The following PCDH17 variants were observed in gnomAD, a reference collection of about 807,000 sequenced individuals.
PCDH17 encodes protocadherin-17.
PCDH17 carries 21 observed loss-of-function variants against 67.7 expected under a neutral mutation model. The ratio of observed to expected loss-of-function variants is 0.31; its 90% CI spans 0.22 to 0.45. PCDH17 has a LOEUF of 0.45. Among genes scored for constraint, PCDH17 ranks in the 20% least tolerant of loss-of-function variants. PCDH17 has a pLI of 1.00. For synonymous variants in PCDH17, 701 were observed against 656.7 expected, an observed-to-expected ratio of 1.07 and a Z score of -1.03; for missense variants, 1,471 against 1,564.8, an observed-to-expected ratio of 0.94 and a Z score of 1.01.
At chr13:57,637,012 A>G (rs556289867) in intron 1 of PCDH17, among the ~76,000 whole-genome samples, 2 of 152,224 alleles carry the variant, frequency 1.3e-5, no homozygotes, top group South Asian at 4.1e-4. Flanking sequence ...TACCTGTAGT[A>G]TATTGCACCA....
At chr13:57,698,971 C>A (rs768867146) in intron 3 of PCDH17, among the ~76,000 whole-genome samples, 46 of 152,020 alleles carry the variant, frequency 3.0e-4, no homozygotes, top group African/African-American at 1.0e-3. Flanking sequence ...CTTTTTTCAG[C>A]CACTCTGATT....
chr13:57,723,909 T>A (rs570618061), intron 3 of PCDH17, among the ~76,000 whole-genome samples: 2 of 152,318 alleles, frequency 1.3e-5, no homozygotes, highest in Admixed American at 1.3e-4. Context: ...CATTCTGACC[T>A]GTATCTGTTG....
At position 57,666,756 on chromosome 13, in the gene PCDH17, G is replaced by T. The variant is rs1208260199; in HGVS notation, c.2720G>T (p.Gly907Val). The T allele has an allele frequency of 1.2e-6, 2 of 1,613,612 alleles. No homozygotes were observed. Among genetic ancestry groups the T allele is most frequent in the African/African-American group, 2.7e-5 (2 of 74,894 alleles). ...GACAGTGACCAAGACACTAACAAAG[G>T]CTCCTGCTGTGACATGTCTGTTAGG... The part of the protein sequence containing the change: ...QADSDQDTNK[G>V]SCCDMSVREA... Residue 907 changes from glycine to valine, a missense_variant, in exon 3 of 4, where the codon GGC becomes GTC. Gly to Val is a moderately radical substitution (Grantham distance 109, BLOSUM62 -3). This residue lies in a region of PCDH17 where 11 missense variants were observed against 36.2 expected (regional missense o/e 0.30). Transcript: ENST00000377918.
chr13:57,655,716 A>G (rs1463768711), intron 1 of PCDH17, among the ~76,000 whole-genome samples: 1 of 152,100 alleles, frequency 6.6e-6, no homozygotes, highest in South Asian at 2.1e-4. Flanking sequence ...TGTCAGAGTT[A>G]TATATAAAGC....
chr13:57,671,025 G>C (rs931549642), intron 3 of PCDH17, among the ~76,000 whole-genome samples: 1 of 151,794 alleles, frequency 6.6e-6, no homozygotes, highest in African/African-American at 2.4e-5. Flanking sequence ...TTCTTTTAGT[G>C]TGATGGGAAA....
intron 1 of PCDH17, among the ~76,000 whole-genome samples, chr13:57,646,381 C>A (rs1419840924): frequency 2.0e-5 from 3 of 151,424 alleles, no homozygotes; most frequent in Non-Finnish European, 4.4e-5. Context: ...ATTTTAAAAG[C>A]TATTAATTGA....
chr13:57,697,850 G>A (rs73207460), intron 3 of PCDH17, among the ~76,000 whole-genome samples: 9,606 of 151,388 alleles, frequency 0.063, 339 homozygotes, highest in Middle Eastern at 0.099. Context: ...CTCCTAGTTG[G>A]GGGGTACTTC....
At chr13:57,701,374 G>A (rs1009717472) in intron 3 of PCDH17, among the ~76,000 whole-genome samples, 38 of 151,990 alleles carry the variant, frequency 2.5e-4, no homozygotes, top group Admixed American at 1.6e-3. Context: ...TCTAAAATTT[G>A]TTCTGCTTCT....
chr13:57,701,178 A>C (rs1467706797), intron 3 of PCDH17, among the ~76,000 whole-genome samples: 8 of 152,172 alleles, frequency 5.3e-5, no homozygotes, highest in Non-Finnish European at 8.8e-5. Flanking sequence ...AATGAAGTTT[A>C]GTTTACCAAA....
Position 57,728,823 on chromosome 13 carries a change from T to G in PCDH17, c.*3529T>G, listed in dbSNP as rs1301397291. 1 of 152,166 alleles carries G rather than the reference T, an allele frequency of 6.6e-6. No individual in the cohort carries two copies. Among genetic ancestry groups the G allele is most frequent in the African/African-American group, 2.4e-5 (1 of 41,438 alleles). 9.4% of individuals were successfully genotyped at this position (152,166 alleles called of 1,614,324 possible). ...TTCCCTTTAAAGGATCTAGATATTG[T>G]TCAATTTAAAATATGGCACCATAAA... On this transcript the variant is annotated 3_prime_UTR_variant, in exon 4 of 4. Transcript: ENST00000377918.
At chr13:57,715,735 T>C (rs554958525) in intron 3 of PCDH17, among the ~76,000 whole-genome samples, 90 of 151,974 alleles carry the variant, frequency 5.9e-4, no homozygotes, top group South Asian at 2.5e-3. Flanking sequence ...ATTTTTTACC[T>C]CTCTTTTGAA....
Position 57,703,741 on chromosome 13 carries a change from T to A in PCDH17, c.2798-20871T>A, listed in dbSNP as rs141569655. The stretch of plus-strand genomic sequence containing the variant: ...TTCTGAGCTAGTATTCTTAGCATTG[T>A]ATTTAGTACTGTAGTTCAGCCACCC... On this transcript the variant is annotated intron_variant, in intron 3 of 3. Transcript: ENST00000377918. Among the ~76,000 whole-genome samples the A allele has an allele frequency of 9.4e-3, 1,431 of 152,236 alleles. 24 individuals are homozygous for A. Among genetic ancestry groups the A allele is most frequent in the African/African-American group, 0.032 (1,334 of 41,550 alleles).
At chr13:57,707,436 C>A (rs756381944) in intron 3 of PCDH17, among the ~76,000 whole-genome samples, 6 of 150,884 alleles carry the variant, frequency 4.0e-5, no homozygotes, top group Non-Finnish European at 7.4e-5. Context: ...GCAGAATCAA[C>A]TTTAATGTCA....
chr13:57,682,594 G>C (rs960655381), intron 3 of PCDH17, among the ~76,000 whole-genome samples: 1 of 151,878 alleles, frequency 6.6e-6, no homozygotes, highest in African/African-American at 2.4e-5. Context: ...GGAAAGAGGC[G>C]TCTAGTGCTG....
chr13:57,667,192 A>G (rs920747528), intron 3 of PCDH17, among the ~76,000 whole-genome samples: 2 of 152,180 alleles, frequency 1.3e-5, no homozygotes, highest in Admixed American at 1.3e-4. Context: ...TATAAAAATT[A>G]GTAAATTCAA....
intron 3 of PCDH17, among the ~76,000 whole-genome samples, chr13:57,676,631 CACA>C (rs1292233268): frequency 6.6e-6 from 1 of 151,752 alleles, no homozygotes; most frequent in Non-Finnish European, 1.5e-5. Context: ...TCCCATAGAA[CACA>C]ACGTTAAGAA....
chr13:57,709,312 G>C (rs987120565), intron 3 of PCDH17, among the ~76,000 whole-genome samples: 2 of 151,524 alleles, frequency 1.3e-5, no homozygotes, highest in South Asian at 2.1e-4. Context: ...TTAATTTTTG[G>C]GGCCTGCTTG....
At chr13:57,663,312 TCTG>T (rs1339556011) in intron 1 of PCDH17, among the ~76,000 whole-genome samples, 1 of 152,160 alleles carries the variant, frequency 6.6e-6, no homozygotes, top group Admixed American at 6.5e-5. Context: ...GTTTAATTAC[TCTG>T]CTGAGTCCTA....
chr13:57,680,160 G>T (rs1007300800), intron 3 of PCDH17, among the ~76,000 whole-genome samples: 20 of 150,652 alleles, frequency 1.3e-4, no homozygotes, highest in African/African-American at 4.9e-4. Flanking sequence ...ATATAAATAT[G>T]TATGTGTGTA....
Sources: allele counts gnomAD v4.1 joint callset (sites outside exome capture counted in the v4.1 genomes callset), GRCh38; gene constraint gnomAD v4.1.1; regional missense constraint gnomAD v4.1.1; transcripts MANE v1.5; gene names NCBI Gene and HGNC (gene_info 2026-07-23, HGNC 2026-07-21).